ZNF609: variants seen among roughly 807,000 people sequenced by gnomAD.
ZNF609 encodes the protein zinc finger protein 609.
Under a neutral mutation model 109.5 loss-of-function variants are expected in ZNF609, and 11 were observed. The ratio of observed to expected loss-of-function variants is 0.10; its 90% CI spans 0.06 to 0.17. The LOEUF is 0.17. Among genes scored for constraint, ZNF609 ranks in the 10% least tolerant of loss-of-function variants. The pLI, the probability that ZNF609 is intolerant of heterozygous loss-of-function variation, is 1.00. For synonymous variants in ZNF609, 646 were observed against 662.0 expected, an observed-to-expected ratio of 0.98 and a Z score of 0.37; for missense variants, 1,559 against 1,772.4, an observed-to-expected ratio of 0.88 and a Z score of 2.16.
At chr15:64,676,885 C>G (rs529361100) in intron 5 of ZNF609, among the ~76,000 whole-genome samples, 1 of 152,134 alleles carries the variant, frequency 6.6e-6, no homozygotes, top group South Asian at 2.1e-4. Flanking sequence ...TCCCGAGTAG[C>G]TGGGATTACA....
intron 1 of ZNF609, among the ~76,000 whole-genome samples, chr15:64,471,586 T>C (rs942794830): frequency 6.6e-6 from 1 of 151,800 alleles, no homozygotes; most frequent in Non-Finnish European, 1.5e-5. Flanking sequence ...TTGTTTTTTG[T>C]TTTTTTTGTC....
intron 2 of ZNF609, among the ~76,000 whole-genome samples, chr15:64,541,889 C>A (rs1206693559): frequency 1.3e-5 from 2 of 151,698 alleles, no homozygotes; most frequent in Non-Finnish European, 2.9e-5. Flanking sequence ...CTTGCCCTTC[C>A]CTTTTGGCTT....
chr15:64,511,491 A>G (rs1249371590), intron 2 of ZNF609, among the ~76,000 whole-genome samples: 2 of 151,542 alleles, frequency 1.3e-5, no homozygotes, highest in African/African-American at 4.9e-5. Context: ...CAAAAAAAAA[A>G]AAAAAAAAGG....
intron 2 of ZNF609, among the ~76,000 whole-genome samples, chr15:64,507,915 G>A (rs1286700309): frequency 1.3e-5 from 2 of 152,172 alleles, no homozygotes; most frequent in Non-Finnish European, 2.9e-5. Context: ...GTACAGTTTA[G>A]TCATGGTTCA....
At chr15:64,672,361 A>C (rs904111935) in intron 4 of ZNF609, among the ~76,000 whole-genome samples, 24 of 149,418 alleles carry the variant, frequency 1.6e-4, no homozygotes, top group Non-Finnish European at 2.7e-4. Context: ...GCGGTGGCTA[A>C]CGCCTGTAAT....
At chr15:64,478,604 C>T (rs921532560) in intron 1 of ZNF609, among the ~76,000 whole-genome samples, 1 of 152,144 alleles carries the variant, frequency 6.6e-6, no homozygotes, top group African/African-American at 2.4e-5. Flanking sequence ...ACTCAAACTC[C>T]TGACCTCAAG....
At chr15:64,478,984 T>G (rs1034961099) in intron 1 of ZNF609, among the ~76,000 whole-genome samples, 1 of 152,210 alleles carries the variant, frequency 6.6e-6, no homozygotes, top group Non-Finnish European at 1.5e-5. Flanking sequence ...CTTTTATTAG[T>G]AAGAGAACTT....
chr15:64,530,010 C>T (rs1030032544), intron 2 of ZNF609, among the ~76,000 whole-genome samples: 3 of 151,748 alleles, frequency 2.0e-5, no homozygotes, highest in Non-Finnish European at 2.9e-5. Flanking sequence ...GATTACAAGG[C>T]GTGAGCCACT....
chr15:64,487,315 T>C (rs1307600209), intron 1 of ZNF609, among the ~76,000 whole-genome samples: 1 of 152,206 alleles, frequency 6.6e-6, no homozygotes, highest in African/African-American at 2.4e-5. Context: ...CATATAATAC[T>C]GCTTTAGGAT....
intron 3 of ZNF609, among the ~76,000 whole-genome samples, chr15:64,643,127 A>G (rs1896287245): frequency 1.3e-5 from 2 of 152,198 alleles, no homozygotes; most frequent in African/African-American, 2.4e-5. Flanking sequence ...AACAATTTCT[A>G]CATTCTCCCA....
chr15:64,547,107 T>C (rs1027768212), intron 2 of ZNF609, among the ~76,000 whole-genome samples: 1 of 150,778 alleles, frequency 6.6e-6, no homozygotes, highest in Non-Finnish European at 1.5e-5. Flanking sequence ...TCATGTTTCT[T>C]GATGCAAATG....
At chr15:64,638,117 A>AT (rs1416326780) in intron 3 of ZNF609, among the ~76,000 whole-genome samples, 1 of 149,926 alleles carries the variant, frequency 6.7e-6, no homozygotes, top group Non-Finnish European at 1.5e-5. Context: ...CAAGATTCTT[A>AT]TTTTTTTATA....
chr15:64,528,169 C>T (rs1297516543), intron 2 of ZNF609, among the ~76,000 whole-genome samples: 5 of 151,480 alleles, frequency 3.3e-5, no homozygotes, highest in African/African-American at 9.7e-5. Context: ...GCGATCTCGG[C>T]TCACTGCAAC....
intron 2 of ZNF609, among the ~76,000 whole-genome samples, chr15:64,573,101 G>T (rs941812350): frequency 4.6e-5 from 7 of 152,186 alleles, no homozygotes; most frequent in African/African-American, 1.7e-4. Flanking sequence ...GTGCCAACGT[G>T]TAGCAGACAT....
At chr15:64,525,727 T>C (rs1661579043) in intron 2 of ZNF609, among the ~76,000 whole-genome samples, 1 of 152,184 alleles carries the variant, frequency 6.6e-6, no homozygotes, top group African/African-American at 2.4e-5. Flanking sequence ...CATTTATTTA[T>C]AACTTCTTTA....
intron 3 of ZNF609, chr15:64,654,501 A>C (rs180764873): frequency 4.6e-5 from 7 of 151,872 alleles, no homozygotes; most frequent in African/African-American, 1.7e-4. Flanking sequence ...GAGTCTTGTA[A>C]TGTTGACCAG....
chr15:64,520,571 A>C (rs1325115639), intron 2 of ZNF609, among the ~76,000 whole-genome samples: 1 of 151,828 alleles, frequency 6.6e-6, no homozygotes, highest in Admixed American at 6.6e-5. Context: ...TTATCCCCAA[A>C]TCTCTATTTT....
At chr15:64,496,151 C>T (rs975876201) in intron 1 of ZNF609, among the ~76,000 whole-genome samples, 10 of 152,286 alleles carry the variant, frequency 6.6e-5, no homozygotes, top group African/African-American at 2.2e-4. Flanking sequence ...TCCTTACTGG[C>T]ATACTTTGTT....
At chr15:64,475,393 T>TC (rs386383278) in intron 1 of ZNF609, among the ~76,000 whole-genome samples, 2 of 7,484 alleles carry the variant, frequency 2.7e-4, no homozygotes, top group African/African-American at 3.8e-4. Context: ...ACATGTTGTC[T>TC]TTTTTTTTTT....
Sources: gnomAD v4.1 joint callset for allele counts (sites outside exome capture counted in the v4.1 genomes callset) on GRCh38, gnomAD v4.1.1 for gene constraint, MANE v1.5 for transcripts, NCBI Gene and HGNC (gene_info 2026-07-23, HGNC 2026-07-21) for gene names.